The following SEC62 variants were observed in gnomAD, a reference collection of about 807,000 sequenced individuals.
SEC62 encodes the protein translocation protein SEC62.
In SEC62, 10 loss-of-function variants were observed where a neutral mutation model predicts 47.5. That is an observed-to-expected ratio of 0.21 (90% CI 0.13 to 0.36). The LOEUF is 0.36. Ranked by LOEUF, SEC62 falls within the 10% of genes least tolerant of loss-of-function variation. The pLI, the probability that SEC62 is intolerant of heterozygous loss-of-function variation, is 1.00. For missense variants in SEC62, 327 were observed against 464.1 expected (o/e 0.70, Z 2.71); for synonymous variants, 136 against 150.5 (o/e 0.90, Z 0.71).
In SEC62 at chr3:169,992,499, G is replaced by C; in HGVS notation, c.731-95G>C. The C allele has an allele frequency of 1.2e-6, 1 of 809,372 alleles. No homozygotes were observed. Among genetic ancestry groups the C allele is most frequent in the Non-Finnish European group, 2.0e-6 (1 of 502,086 alleles). 50.1% of individuals were successfully genotyped at this position (809,372 alleles called of 1,614,324 possible). ...ATATTTAAGGTGTATGAAATGTGCAGATAATAAAACTGTTTTCCCAGCTTT... is the reference window on the plus strand; with the variant it reads ...ATATTTAAGGTGTATGAAATGTGCACATAATAAAACTGTTTTCCCAGCTTT... On this transcript the variant is annotated intron_variant, in intron 7 of 7. Coordinates refer to ENST00000337002, the MANE Select transcript of SEC62 (RefSeq NM_003262.4). This position sits in a 1 kb window ranked among gnomAD's most constrained non-coding sequence, Gnocchi z 4.0.
rs1191653497 is a variant in SEC62 at position 169,976,980 on chromosome 3, G to C, written c.180G>C (p.Lys60Asn). ...CAGTGGACTGTCTTTTGGATTCAAA[G>C]TGGGCAAAGGCCAAGAAAGGAGAGG... is the stretch of plus-strand genomic sequence containing the variant. Reference protein sequence around the residue: ...SKAVDCLLDSKWAKAKKGEEA... With the variant: ...SKAVDCLLDSNWAKAKKGEEA... Residue 60 changes from lysine (K) to asparagine (N), a missense_variant, in exon 3 of 8, where the codon AAG becomes AAC. Lys to Asn is a moderately conservative substitution (Grantham distance 94, BLOSUM62 0). Transcript: ENST00000337002. The C allele has an allele frequency of 6.2e-7, 1 of 1,609,940 alleles. No homozygotes were observed. Among genetic ancestry groups the C allele is most frequent in the African/African-American group, 1.3e-5 (1 of 74,868 alleles).
chr3:169,983,876 G>A (rs1383661036), intron 5 of SEC62: 3 of 152,170 alleles, frequency 2.0e-5, no homozygotes, highest in Admixed American at 6.5e-5. Context: ...AGCAGAATAG[G>A]AGATAGCTAC....
intron 7 of SEC62, among the ~76,000 whole-genome samples, chr3:169,990,540 ATTAGG>A: frequency 6.6e-6 from 1 of 152,206 alleles, no homozygotes; most frequent in East Asian, 1.9e-4. Context: ...GTGATAAGAA[ATTAGG>A]TTAGTGCCAT....
In SEC62 at chr3:169,966,916, G is replaced by A. The variant is rs1057447001; in HGVS notation, c.36+58G>A. 3 of 1,532,870 alleles carry A rather than the reference G, an allele frequency of 2.0e-6. No individual in the cohort carries two copies. In the African/African-American group the frequency reaches 4.2e-5, roughly 21 times the overall value. 95.0% of individuals were successfully genotyped at this position (1,532,870 alleles called of 1,614,324 possible). On this transcript the variant is annotated intron_variant, in intron 1 of 7. Transcript: ENST00000337002. The stretch of plus-strand genomic sequence containing the variant: ...GGCGCGCTGGATAGTGGAAGGGGCG[G>A]GGAAAGCCCCCTAAAAGGGCGAGCG...
chr3:169,986,458 A>G lies in SEC62; in HGVS notation c.610+593A>G, dbSNP rs538251866. 1.0e-3 allele frequency among the ~76,000 whole-genome samples: 157 copies of G among 152,296 alleles called. 2 individuals carry two copies. The highest frequency in any genetic ancestry group is 1.9e-3 in the Non-Finnish European group (128 of 68,028). ...AAATGCTTATACCATTTGATCTAAT[A>G]AATTCCACTTTAAGGAATTTACCCT... is the stretch of plus-strand genomic sequence containing the variant. On this transcript the variant is annotated intron_variant, in intron 6 of 7. Coordinates refer to ENST00000337002, the MANE Select transcript of SEC62 (RefSeq NM_003262.4).
At position 169,976,963 on chromosome 3, in the gene SEC62, T is replaced by C; in HGVS notation, c.163T>C (p.Cys55Arg). Reference sequence around the variant, plus strand: ...TTCTTTAGCTTCAAAAGCAGTGGACTGTCTTTTGGATTCAAAGTGGGCAAA... The same window carrying C: ...TTCTTTAGCTTCAAAAGCAGTGGACCGTCTTTTGGATTCAAAGTGGGCAAA... ...DYFIASKAVD[C>R]LLDSKWAKAK... Residue 55 changes from cysteine to arginine, a missense_variant, in exon 3 of 8, where the codon TGT (cysteine) becomes CGT (arginine). Physicochemically the swap from Cys to Arg is radical, Grantham distance 180 (BLOSUM62 -3). Around this residue, in one of 3 missense-constraint regions of SEC62, gnomAD observed 126 missense variants for 161.2 expected, o/e 0.78. Transcript: ENST00000337002. 1 of 1,605,620 alleles carries C rather than the reference T, an allele frequency of 6.2e-7. No homozygotes were observed. The highest frequency in any genetic ancestry group is 1.7e-5 in the Admixed American group (1 of 59,828).
chr3:169,993,081 CTGAA>C lies in SEC62; in HGVS notation c.*24_*27del. ...AATCATAATCTGACTAATTTTGGGA[CTGAA>C]TGAATAAGTACAAGAGGTTGGATTT... On this transcript the variant is annotated 3_prime_UTR_variant, in exon 8 of 8. Coordinates refer to ENST00000337002, the MANE Select transcript of SEC62 (RefSeq NM_003262.4). 1.9e-6 allele frequency: 3 copies of C among 1,545,840 alleles called. No individual in the cohort carries two copies. The highest frequency in any genetic ancestry group is 2.6e-6 in the Non-Finnish European group (3 of 1,143,276).
In SEC62 at chr3:169,994,516, T is replaced by C. The variant is rs564694841; in HGVS notation, c.*1453T>C. ...ACTTGGCTTGATTGCTTCTTTATAG[T>C]AGTCCCTGTAAGTGGACATAAATGT... On this transcript the variant is annotated 3_prime_UTR_variant, in exon 8 of 8. Coordinates refer to ENST00000337002, the MANE Select transcript of SEC62 (RefSeq NM_003262.4). The C allele has an allele frequency of 3.9e-5, 6 of 152,740 alleles. No homozygotes were observed. In the South Asian group the frequency reaches 1.2e-3, roughly 32 times the overall value. 9.5% of individuals were successfully genotyped at this position (152,740 alleles called of 1,614,324 possible). A position where few individuals can be genotyped will look rare whatever the true frequency, so the allele number is the denominator to read the frequency against.
intron 3 of SEC62, among the ~76,000 whole-genome samples, chr3:169,979,689 C>G (rs960931548): frequency 6.6e-6 from 1 of 152,186 alleles, no homozygotes; most frequent in Non-Finnish European, 1.5e-5. Flanking sequence ...ACCGAATGTA[C>G]TCTTCCCCAG....
Position 169,993,593 on chromosome 3 carries a change from C to T in SEC62, c.*530C>T, listed in dbSNP as rs1296728824. The T allele has an allele frequency of 1.3e-5, 2 of 152,702 alleles. No homozygotes were observed. Among genetic ancestry groups the T allele is most frequent in the African/African-American group, 4.8e-5 (2 of 41,420 alleles). 9.5% of individuals were successfully genotyped at this position (152,702 alleles called of 1,614,324 possible). A position where few individuals can be genotyped will look rare whatever the true frequency, so the allele number is the denominator to read the frequency against. On this transcript the variant is annotated 3_prime_UTR_variant, in exon 8 of 8. Transcript: ENST00000337002. ...AGAGTTCAAAACTATTTTGTGGAAA[C>T]AAGCCAACTAGTAACAATGCAGCAA...
chr3:169,970,332 C>T (rs1282296357), intron 1 of SEC62, among the ~76,000 whole-genome samples: 1 of 152,178 alleles, frequency 6.6e-6, no homozygotes, highest in Non-Finnish European at 1.5e-5. Context: ...ATATTTTATA[C>T]TGCTTGAACC....
At chr3:169,970,348 TTTTTC>T (rs1714666808) in intron 1 of SEC62, among the ~76,000 whole-genome samples, 2 of 152,216 alleles carry the variant, frequency 1.3e-5, no homozygotes, top group Non-Finnish European at 2.9e-5. Flanking sequence ...GAACCAAGCC[TTTTTC>T]TTTTTTGCTC....
intron 3 of SEC62, among the ~76,000 whole-genome samples, chr3:169,979,665 C>T (rs1276697020): frequency 6.6e-6 from 1 of 152,176 alleles, no homozygotes; most frequent in Non-Finnish European, 1.5e-5. Context: ...ACAAATCCCT[C>T]AAGTCCTTCC....
intron 5 of SEC62, among the ~76,000 whole-genome samples, chr3:169,984,603 A>G (rs1715054797): frequency 6.6e-6 from 1 of 152,204 alleles, no homozygotes; most frequent in Non-Finnish European, 1.5e-5. Context: ...TTCTGTAGAA[A>G]GCAGCATGCA....
In SEC62 at chr3:169,995,768, C is replaced by T. The variant is rs1195652612; in HGVS notation, c.*2705C>T. ...GGGGAAATACAAGGCTAGATTTCTGCAAGCCACTGGTCACATTTTCATCAA... is the reference window on the plus strand; with the variant it reads ...GGGGAAATACAAGGCTAGATTTCTGTAAGCCACTGGTCACATTTTCATCAA... On this transcript the variant is annotated 3_prime_UTR_variant, in exon 8 of 8. Transcript: ENST00000337002. 1 of 152,128 alleles carries T rather than the reference C, an allele frequency of 6.6e-6. No homozygotes were observed. The highest frequency in any genetic ancestry group is 1.5e-5 in the Non-Finnish European group (1 of 68,026). The allele number at this position is 152,128 out of a possible 1,614,324, so 9.4% of individuals were successfully genotyped here. A position where few individuals can be genotyped will look rare whatever the true frequency, so the allele number is the denominator to read the frequency against.
intron 7 of SEC62, among the ~76,000 whole-genome samples, chr3:169,991,300 C>T (rs915379090): frequency 7.9e-5 from 12 of 152,182 alleles, no homozygotes; most frequent in African/African-American, 2.4e-4. Context: ...CTCACAACTG[C>T]GATCCCAACT....
At chr3:169,970,034 C>G (rs1444189595) in intron 1 of SEC62, among the ~76,000 whole-genome samples, 1 of 152,158 alleles carries the variant, frequency 6.6e-6, no homozygotes, top group Non-Finnish European at 1.5e-5. Context: ...CCAGACTATA[C>G]AGGTCTAATT....
intron 1 of SEC62, among the ~76,000 whole-genome samples, chr3:169,967,158 C>T (rs1200475546): frequency 2.6e-5 from 4 of 152,212 alleles, no homozygotes; most frequent in African/African-American, 4.8e-5. Flanking sequence ...TGTGGTCGCG[C>T]TGTCCCGGGC....
In SEC62 at chr3:169,977,122, C is replaced by A. The variant is rs866526885; in HGVS notation, c.251+71C>A. Reference sequence around the variant, plus strand: ...TTCTTCATAGTCCTGAAGCTCCTTACATCATTAAATGTAGTGATACTACAA... The same window carrying A: ...TTCTTCATAGTCCTGAAGCTCCTTAAATCATTAAATGTAGTGATACTACAA... On this transcript the variant is annotated intron_variant, in intron 3 of 7. Coordinates refer to ENST00000337002, the MANE Select transcript of SEC62 (RefSeq NM_003262.4). 7.2e-4 allele frequency: 726 copies of A among 1,003,910 alleles called. 3 individuals are homozygous for A. The Middle Eastern group carries it at 0.013, about 19-fold the overall frequency. 62.2% of individuals were successfully genotyped at this position (1,003,910 alleles called of 1,614,324 possible). A position where few individuals can be genotyped will look rare whatever the true frequency, so the allele number is the denominator to read the frequency against.
Sources: gnomAD v4.1 joint callset for allele counts (sites outside exome capture counted in the v4.1 genomes callset) on GRCh38, gnomAD v4.1.1 for gene constraint, gnomAD v4.1.1 regional missense constraint, Gnocchi (gnomAD v3.1) non-coding constraint, MANE v1.5 for transcripts, NCBI Gene and HGNC (gene_info 2026-07-23, HGNC 2026-07-21) for gene names.